SLC4A10: variants seen among roughly 807,000 people sequenced by gnomAD.
SLC4A10 encodes the protein sodium-driven chloride bicarbonate exchanger.
SLC4A10 carries 42 observed loss-of-function variants against 137.7 expected under a neutral mutation model. That is an observed-to-expected ratio of 0.30 (90% CI 0.24 to 0.39). SLC4A10 has a LOEUF of 0.39. Among genes scored for constraint, SLC4A10 ranks in the 10% least tolerant of loss-of-function variants. The pLI, the probability that SLC4A10 is intolerant of heterozygous loss-of-function variation, is 1.00. For missense variants in SLC4A10, 925 were observed against 1,355.0 expected (o/e 0.68, Z 4.98); for synonymous variants, 474 against 464.1 (o/e 1.02, Z -0.27).
At chr2:161,772,566 T>C (rs1472911740) in intron 2 of SLC4A10, among the ~76,000 whole-genome samples, 1 of 151,916 alleles carries the variant, frequency 6.6e-6, no homozygotes, top group Non-Finnish European at 1.5e-5. Flanking sequence ...CAATGCTTAC[T>C]AAAAGAGATT....
rs878869059 is a variant in SLC4A10 at position 161,983,472 on chromosome 2, C to G, written c.*320C>G. Reference sequence around the variant, plus strand: ...AAGAATCTGTGTGTTCCTTGCTGTACGTTAGACATTTGTAAACTGGATTCT... The same window carrying G: ...AAGAATCTGTGTGTTCCTTGCTGTAGGTTAGACATTTGTAAACTGGATTCT... On this transcript the variant is annotated 3_prime_UTR_variant, in exon 27 of 27. Transcript: ENST00000446997. The G allele has an allele frequency of 1.3e-5, 6 of 460,150 alleles. No homozygotes were observed. In the Admixed American group the frequency reaches 2.4e-4, roughly 19 times the overall value. 28.5% of individuals were successfully genotyped at this position (460,150 alleles called of 1,614,324 possible). A position where few individuals can be genotyped will look rare whatever the true frequency, so the allele number is the denominator to read the frequency against.
chr2:161,781,025 C>T (rs895322359), intron 2 of SLC4A10, among the ~76,000 whole-genome samples: 22 of 152,016 alleles, frequency 1.4e-4, no homozygotes, highest in African/African-American at 4.8e-4. Flanking sequence ...ATACCACCAG[C>T]CCCACTCTCC....
intron 7 of SLC4A10, 82 bp from the exon 8 acceptor site, chr2:161,873,834 G>A (rs964856306): frequency 2.2e-6 from 3 of 1,347,708 alleles, no homozygotes; most frequent in Admixed American, 2.0e-5. Flanking sequence ...ATCTAGTTAC[G>A]TGCATGCTCT....
chr2:161,865,358 A>G (rs2060677098), intron 6 of SLC4A10, among the ~76,000 whole-genome samples: 1 of 152,098 alleles, frequency 6.6e-6, no homozygotes, highest in African/African-American at 2.4e-5. Context: ...TGTCTTATTT[A>G]GGAAATGGTT....
At chr2:161,953,304 C>T (rs1226564151) in intron 19 of SLC4A10, among the ~76,000 whole-genome samples, 1 of 152,098 alleles carries the variant, frequency 6.6e-6, no homozygotes, top group Non-Finnish European at 1.5e-5. Flanking sequence ...TGATATTTCT[C>T]CTGCTGATAA....
intron 2 of SLC4A10, among the ~76,000 whole-genome samples, chr2:161,781,374 CAAT>C (rs1387119543): frequency 6.6e-6 from 1 of 151,914 alleles, no homozygotes; most frequent in Non-Finnish European, 1.5e-5. Context: ...TAATTCAGTA[CAAT>C]GCTTTTTAAA....
chr2:161,747,280 G>A (rs1254095946), intron 1 of SLC4A10, among the ~76,000 whole-genome samples: 1 of 152,132 alleles, frequency 6.6e-6, no homozygotes, highest in Non-Finnish European at 1.5e-5. Flanking sequence ...TGGTCTAAAT[G>A]TTCTCTCTGT....
intron 1 of SLC4A10, among the ~76,000 whole-genome samples, chr2:161,717,813 G>A (rs62189007): frequency 0.075 from 11,460 of 152,130 alleles, 542 homozygotes; most frequent in East Asian, 0.14. Context: ...TCATAAAATG[G>A]TTTACAGAGG....
Position 161,772,761 on chromosome 2 carries a change from A to C in SLC4A10, c.130+1707A>C, listed in dbSNP as rs184854837. Among the ~76,000 whole-genome samples the C allele has an allele frequency of 2.6e-5, 4 of 152,066 alleles. No homozygotes were observed. The East Asian group carries it at 7.8e-4, about 29-fold the overall frequency. On this transcript the variant is annotated intron_variant, in intron 2 of 26. Transcript: ENST00000446997. ...GGAAAACAGGAAAAAAATCTGGTTTATATTGACGTTCTAATATTTGTGTTA... is the reference window on the plus strand; with the variant it reads ...GGAAAACAGGAAAAAAATCTGGTTTCTATTGACGTTCTAATATTTGTGTTA...
intron 2 of SLC4A10, among the ~76,000 whole-genome samples, chr2:161,779,256 C>T (rs920735797): frequency 2.0e-5 from 3 of 151,936 alleles, no homozygotes; most frequent in African/African-American, 7.3e-5. Flanking sequence ...GAGAAGGGCA[C>T]CAAGCCATTC....
chr2:161,877,738 T>C (rs929838192), intron 8 of SLC4A10, among the ~76,000 whole-genome samples: 3 of 152,052 alleles, frequency 2.0e-5, no homozygotes, highest in Non-Finnish European at 4.4e-5. Context: ...AGTACATTTG[T>C]AGCTTAAAAA....
intron 16 of SLC4A10, 36 bp downstream of exon 16, chr2:161,942,933 A>C: frequency 6.6e-7 from 1 of 1,509,878 alleles, no homozygotes; most frequent in Non-Finnish European, 9.0e-7. Context: ...CATACCTAAG[A>C]GCTTTTGTTG....
chr2:161,979,037 T>A (rs1036918736), intron 26 of SLC4A10, among the ~76,000 whole-genome samples: 1 of 152,212 alleles, frequency 6.6e-6, no homozygotes, highest in Non-Finnish European at 1.5e-5. Flanking sequence ...ACTTGTCACA[T>A]GAAAAATACG....
chr2:161,912,560 A>G (rs1042715848), intron 15 of SLC4A10, among the ~76,000 whole-genome samples: 3 of 152,114 alleles, frequency 2.0e-5, no homozygotes, highest in Non-Finnish European at 4.4e-5. Flanking sequence ...TGTTAGGTCA[A>G]GTTACAACCA....
chr2:161,961,496 C>T (rs1031059770), intron 21 of SLC4A10, among the ~76,000 whole-genome samples: 7 of 151,176 alleles, frequency 4.6e-5, no homozygotes, highest in Non-Finnish European at 8.8e-5. Flanking sequence ...GTTTAGTAAG[C>T]CATTAGGGAA....
At chr2:161,969,494 T>C (rs1424869847) in intron 23 of SLC4A10, among the ~76,000 whole-genome samples, 2 of 152,184 alleles carry the variant, frequency 1.3e-5, no homozygotes, top group African/African-American at 4.8e-5. Flanking sequence ...CATGCCTTCC[T>C]TCCTACTTAA....
intron 25 of SLC4A10, chr2:161,977,255 A>G (rs1191187803): frequency 5.8e-6 from 2 of 343,866 alleles, no homozygotes; most frequent in South Asian, 5.2e-5. Flanking sequence ...TGTGTATTTT[A>G]TATTTATATT....
At chr2:161,911,564 G>A (rs1216259056) in intron 15 of SLC4A10, among the ~76,000 whole-genome samples, 2 of 151,986 alleles carry the variant, frequency 1.3e-5, no homozygotes, top group Non-Finnish European at 2.9e-5. Context: ...CATTTTTTGC[G>A]ACGTATACAC....
chr2:161,738,419 GA>G (rs538908181), intron 1 of SLC4A10, among the ~76,000 whole-genome samples: 1,912 of 152,284 alleles, frequency 0.013, 25 homozygotes, highest in Non-Finnish European at 0.018. Flanking sequence ...TTTATGGACA[GA>G]AAACAGAAAA....
Sources: allele counts gnomAD v4.1 joint callset (sites outside exome capture counted in the v4.1 genomes callset), GRCh38; gene constraint gnomAD v4.1.1; transcripts MANE v1.5; gene names NCBI Gene and HGNC (gene_info 2026-07-23, HGNC 2026-07-21).